The following DTNB variants were observed in gnomAD, a reference collection of about 807,000 sequenced individuals.
DTNB encodes the protein DTN-B.
A neutral mutation model predicts 90.7 loss-of-function variants in DTNB; 63 were observed. The observed-to-expected ratio is 0.69, with a 90% CI of 0.57 to 0.86. The LOEUF (loss-of-function observed/expected upper bound fraction) is 0.86. Ranked by LOEUF, DTNB falls within the 40% of genes least tolerant of loss-of-function variation. The pLI is 0.00. For synonymous variants in DTNB, 277 were observed against 286.7 expected (o/e 0.97, Z 0.34); for missense variants, 744 against 807.1 (o/e 0.92, Z 0.95).
chr2:25,597,489 G>A (rs1173255677), intron 5 of DTNB, among the ~76,000 whole-genome samples: 1 of 152,032 alleles, frequency 6.6e-6, no homozygotes, highest in African/African-American at 2.4e-5. Context: ...GAAGCATCAG[G>A]TCAAAAAAAA....
intron 8 of DTNB, among the ~76,000 whole-genome samples, chr2:25,560,882 T>A (rs919361997): frequency 2.0e-5 from 3 of 152,164 alleles, no homozygotes; most frequent in Admixed American, 6.5e-5. Context: ...GGTGGTAGTT[T>A]GTTATGGCCT....
chr2:25,436,513 C>A (rs1483326388), intron 12 of DTNB, among the ~76,000 whole-genome samples: 2 of 152,006 alleles, frequency 1.3e-5, no homozygotes, highest in Non-Finnish European at 2.9e-5. Flanking sequence ...TGTTTCCTGT[C>A]TAGAGCATGA....
chr2:25,559,317 T>C (rs1200661694), intron 8 of DTNB, among the ~76,000 whole-genome samples: 1 of 152,166 alleles, frequency 6.6e-6, no homozygotes, highest in African/African-American at 2.4e-5. Flanking sequence ...CCTACGGCTC[T>C]AGGAGGAAAC....
chr2:25,672,045 T>C (rs1329476527), intron 1 of DTNB, among the ~76,000 whole-genome samples: 1 of 151,502 alleles, frequency 6.6e-6, no homozygotes, highest in Non-Finnish European at 1.5e-5. Context: ...AGGAACAAAA[T>C]GGGATGATCT....
chr2:25,465,146 A>C (rs1196036704), intron 10 of DTNB, among the ~76,000 whole-genome samples: 2 of 152,122 alleles, frequency 1.3e-5, no homozygotes, highest in Non-Finnish European at 2.9e-5. Flanking sequence ...AGACCCAGGC[A>C]GGTGGATCAC....
intron 9 of DTNB, among the ~76,000 whole-genome samples, chr2:25,502,808 C>A (rs952442631): frequency 3.3e-5 from 5 of 149,664 alleles, no homozygotes; most frequent in Admixed American, 6.7e-5. Context: ...ATGGCATGAA[C>A]CCAGGACGCA....
chr2:25,632,067 T>C (rs2075868813), intron 3 of DTNB, among the ~76,000 whole-genome samples: 1 of 151,648 alleles, frequency 6.6e-6, no homozygotes, highest in South Asian at 2.1e-4. Flanking sequence ...TGGTGGCTCA[T>C]ACCTCTAATC....
At chr2:25,523,576 G>A (rs370731241) in intron 9 of DTNB, among the ~76,000 whole-genome samples, 4 of 151,304 alleles carry the variant, frequency 2.6e-5, no homozygotes, top group African/African-American at 9.7e-5. Flanking sequence ...GGGAAGCGGA[G>A]GTTGCAGTGA....
chr2:25,386,388 T>C (rs963372709), intron 18 of DTNB, among the ~76,000 whole-genome samples: 1 of 152,246 alleles, frequency 6.6e-6, no homozygotes, highest in Non-Finnish European at 1.5e-5. Flanking sequence ...TTTATCTTTT[T>C]ATTTAATAAT....
At chr2:25,541,178 T>C (rs1024994724) in intron 8 of DTNB, among the ~76,000 whole-genome samples, 2 of 151,784 alleles carry the variant, frequency 1.3e-5, no homozygotes, top group Non-Finnish European at 2.9e-5. Context: ...GTCATAAAAA[T>C]ATATATATAT....
At chr2:25,598,808 A>G (rs905348538) in intron 5 of DTNB, 1 of 152,154 alleles carries the variant, frequency 6.6e-6, no homozygotes, top group Non-Finnish European at 1.5e-5. Context: ...CTTACCGGTG[A>G]TAAGCAGGAA....
intron 2 of DTNB, among the ~76,000 whole-genome samples, chr2:25,646,156 A>G (rs969217222): frequency 6.6e-6 from 1 of 152,150 alleles, no homozygotes; most frequent in African/African-American, 2.4e-5. Context: ...TCGGGCATTA[A>G]TAACAACACA....
chr2:25,535,596 C>T (rs1308157567), intron 8 of DTNB, among the ~76,000 whole-genome samples: 1 of 145,012 alleles, frequency 6.9e-6, no homozygotes, highest in Non-Finnish European at 1.5e-5. Flanking sequence ...ATGCTCCTCA[C>T]TTCCTAGACG....
At chr2:25,613,157 C>T (rs148213334) in intron 4 of DTNB, among the ~76,000 whole-genome samples, 2 of 152,024 alleles carry the variant, frequency 1.3e-5, no homozygotes. Flanking sequence ...TAATGTTGCC[C>T]AGGCTGGTCT....
At chr2:25,593,327 T>G (rs1433090737) in intron 6 of DTNB, among the ~76,000 whole-genome samples, 1 of 152,218 alleles carries the variant, frequency 6.6e-6, no homozygotes, top group Admixed American at 6.5e-5. Flanking sequence ...ACGTAAGAGC[T>G]GATTCTCATT....
At chr2:25,541,392 G>A (rs1462779438) in intron 8 of DTNB, among the ~76,000 whole-genome samples, 1 of 152,102 alleles carries the variant, frequency 6.6e-6, no homozygotes, top group Admixed American at 6.5e-5. Context: ...TGAGGCAGGA[G>A]AATCACTTGA....
intron 18 of DTNB, chr2:25,386,074 G>C (rs1443193281): frequency 1.7e-5 from 17 of 985,410 alleles, no homozygotes; most frequent in Non-Finnish European, 2.0e-5. Context: ...TATGTGTACA[G>C]AGCGGGGCCG....
chr2:25,384,903 G>A (rs997946114), intron 18 of DTNB, among the ~76,000 whole-genome samples: 1 of 148,354 alleles, frequency 6.7e-6, no homozygotes, highest in African/African-American at 2.5e-5. Flanking sequence ...TTTTTGAGAT[G>A]GAGTTTTGCT....
At chr2:25,456,385 T>G (rs1356972666) in intron 10 of DTNB, among the ~76,000 whole-genome samples, 3 of 152,130 alleles carry the variant, frequency 2.0e-5, no homozygotes, top group Admixed American at 2.0e-4. Context: ...CTAACACCAT[T>G]ATCACACCTA....
Sources: allele counts gnomAD v4.1 joint callset (sites outside exome capture counted in the v4.1 genomes callset), GRCh38; gene constraint gnomAD v4.1.1; transcripts MANE v1.5; gene names NCBI Gene and HGNC (gene_info 2026-07-23, HGNC 2026-07-21).